Variants in ENPP2 observed in about 807,000 individuals in gnomAD.
ENPP2 encodes the protein ectonucleotide pyrophosphatase/phosphodiesterase 2, also known as autotaxin.
A neutral mutation model predicts 120.2 loss-of-function variants in ENPP2; 51 were observed. The ratio of observed to expected loss-of-function variants is 0.42; its 90% confidence interval spans 0.34 to 0.54. The LOEUF (loss-of-function observed/expected upper bound fraction) is 0.54, where lower values mean the gene tolerates loss of function less well. Ranked by LOEUF, ENPP2 falls within the 20% of genes least tolerant of loss-of-function variation. The probability of loss-of-function intolerance (pLI) is 0.04; values close to 1 mark genes in which losing one functional copy is unlikely to be tolerated. For missense variants in ENPP2, 920 were observed against 1,066.5 expected (o/e 0.86, Z 1.91); for synonymous variants, 365 against 366.4 (o/e 1.00, Z 0.04).
intron 1 of ENPP2, among the ~76,000 whole-genome samples, chr8:119,664,281 C>T (rs1031837780): frequency 6.6e-6 from 1 of 152,294 alleles, no homozygotes; most frequent in African/African-American, 2.4e-5. Flanking sequence ...CACAGTATTT[C>T]GCATCAGGAG....
At chr8:119,651,848 G>C (rs943055202) in intron 1 of ENPP2, among the ~76,000 whole-genome samples, 2 of 152,178 alleles carry the variant, frequency 1.3e-5, no homozygotes, top group Non-Finnish European at 2.9e-5. Context: ...TTGGAAACCA[G>C]AGTTTTCCAA....
At chr8:119,568,746 G>A (rs1048421268) in intron 21 of ENPP2, among the ~76,000 whole-genome samples, 20 of 152,072 alleles carry the variant, frequency 1.3e-4, no homozygotes, top group African/African-American at 4.6e-4. Flanking sequence ...GACTACTGGC[G>A]TGTGCCACCA....
intron 11 of ENPP2, among the ~76,000 whole-genome samples, chr8:119,600,302 C>T (rs1435162883): frequency 1.3e-5 from 2 of 152,120 alleles, no homozygotes; most frequent in Non-Finnish European, 2.9e-5. Context: ...AATTCATTTA[C>T]AATGTTTTGC....
At chr8:119,651,770 G>A (rs1270622263) in intron 1 of ENPP2, among the ~76,000 whole-genome samples, 1 of 152,164 alleles carries the variant, frequency 6.6e-6, no homozygotes, top group Non-Finnish European at 1.5e-5. Context: ...GGGCATCCTG[G>A]ACATGTCATT....
upstream of ENPP2, among the ~76,000 whole-genome samples, chr8:119,642,107 G>A (rs1181322140): frequency 6.6e-6 from 1 of 152,148 alleles, no homozygotes; most frequent in Non-Finnish European, 1.5e-5. Context: ...ATGATGACCT[G>A]AGACTTCTAG....
chr8:119,557,608 G>A lies in ENPP2; in HGVS notation c.2505C>T (p.Ser835=). 2 of 1,612,476 alleles carry A rather than the reference G, an allele frequency of 1.2e-6. No homozygotes were observed. Among genetic ancestry groups the A allele is most frequent in the Non-Finnish European group, 1.7e-6 (2 of 1,179,762 alleles). Residue 835 remains serine, a synonymous_variant, in exon 25 of 25, where the codon AGC becomes AGT. Transcript: ENST00000075322. ...ARVRDIEHLT[S]LDFFRKTSRS... The stretch of plus-strand genomic sequence containing the variant: ...GGCTGGTCTTTCGGAAGAAGTCCAG[G>A]CTGGTGAGATGTTCAATGTCACGCA...
At chr8:119,628,205 C>T (rs111442169) in intron 2 of ENPP2, among the ~76,000 whole-genome samples, 156 of 152,098 alleles carry the variant, frequency 1.0e-3, no homozygotes, top group African/African-American at 3.7e-3. Flanking sequence ...TAAGTAGGGA[C>T]TATAAATAAT....
At chr8:119,588,592 C>G (rs1352676523) in intron 13 of ENPP2, among the ~76,000 whole-genome samples, 1 of 149,802 alleles carries the variant, frequency 6.7e-6, no homozygotes, top group Non-Finnish European at 1.5e-5. Flanking sequence ...TTCACAATAA[C>G]CCTAGGAGGT....
intron 1 of ENPP2, among the ~76,000 whole-genome samples, chr8:119,672,923 C>A (rs1363687113): frequency 6.6e-6 from 1 of 152,220 alleles, no homozygotes; most frequent in South Asian, 2.1e-4. Context: ...CAGTGCCCTG[C>A]GGCTGGTAAG....
chr8:119,634,378 T>C (rs905677074), intron 2 of ENPP2, among the ~76,000 whole-genome samples: 1 of 152,172 alleles, frequency 6.6e-6, no homozygotes, highest in Non-Finnish European at 1.5e-5. Flanking sequence ...TCTGAATGAT[T>C]TGCACATCTG....
chr8:119,650,341 C>T (rs1433420821), intron 1 of ENPP2, among the ~76,000 whole-genome samples: 2 of 151,984 alleles, frequency 1.3e-5, no homozygotes, highest in Non-Finnish European at 1.5e-5. Context: ...GGGTATTGAC[C>T]GATATCGGGT....
intron 19 of ENPP2, among the ~76,000 whole-genome samples, chr8:119,579,351 G>T (rs922122723): frequency 1.3e-5 from 2 of 152,210 alleles, no homozygotes; most frequent in Admixed American, 1.3e-4. Flanking sequence ...TGTGAATGGA[G>T]TGACATATGC....
chr8:119,673,228 G>A, intron 1 of ENPP2: 3 of 1,528,672 alleles, frequency 2.0e-6, no homozygotes, highest in Non-Finnish European at 2.6e-6. Flanking sequence ...ATGGAGGACG[G>A]GTAGAGAGAG....
rs778454405 is a variant in ENPP2 at position 119,586,302 on chromosome 8, T to C, written c.1251A>G (p.Pro417=). The change falls in exon 15 of 25, where the codon CCA becomes CCG. Residue 417 remains proline, a synonymous_variant. Transcript: ENST00000075322. Reference sequence around the variant, plus strand: ...TCAAGTAAGGCTTAAAGTGCTGATCTGGTTTTTTACACTGAAATAGAAATG... The same window carrying C: ...TCAAGTAAGGCTTAAAGTGCTGATCCGGTTTTTTACACTGAAATAGAAATG... ...AIIANLTCKK[P]DQHFKPYLKQ... 1.4e-5 allele frequency: 22 copies of C among 1,613,832 alleles called. No individual in the cohort carries two copies. Among genetic ancestry groups the C allele is most frequent in the Non-Finnish European group, 1.7e-5 (20 of 1,179,890 alleles).
chr8:119,655,106 G>T (rs931202299), intron 1 of ENPP2, among the ~76,000 whole-genome samples: 3 of 152,168 alleles, frequency 2.0e-5, no homozygotes, highest in Non-Finnish European at 2.9e-5. Flanking sequence ...CAGAACACTT[G>T]TCAAGGGTAA....
intron 22 of ENPP2, among the ~76,000 whole-genome samples, chr8:119,567,531 T>A (rs960045971): frequency 5.9e-5 from 9 of 152,166 alleles, no homozygotes; most frequent in African/African-American, 2.2e-4. Flanking sequence ...TTCACCAGCA[T>A]CCACAAATAT....
chr8:119,632,169 G>C (rs1816727183), intron 2 of ENPP2, among the ~76,000 whole-genome samples: 3 of 152,194 alleles, frequency 2.0e-5, no homozygotes, highest in Non-Finnish European at 2.9e-5. Flanking sequence ...TAAATCAAGA[G>C]AACATTGATG....
chr8:119,563,422 G>A (rs138634558), intron 23 of ENPP2, among the ~76,000 whole-genome samples: 24 of 152,216 alleles, frequency 1.6e-4, no homozygotes, highest in African/African-American at 4.3e-4. Flanking sequence ...TTTGTGCTAG[G>A]GAGTGTCATT....
intron 1 of ENPP2, among the ~76,000 whole-genome samples, chr8:119,666,431 A>T (rs1481514226): frequency 6.6e-6 from 1 of 152,196 alleles, no homozygotes; most frequent in African/African-American, 2.4e-5. Flanking sequence ...AAAGTATAAA[A>T]ATAATTATAT....
Sources: allele counts gnomAD v4.1 joint callset (sites outside exome capture counted in the v4.1 genomes callset), GRCh38; gene constraint gnomAD v4.1.1; transcripts MANE v1.5; gene names NCBI Gene and HGNC (gene_info 2026-07-23, HGNC 2026-07-21).